EBF3: variants seen among roughly 807,000 people sequenced by gnomAD.
EBF3 encodes transcription factor COE3.
Under a neutral mutation model 77.1 loss-of-function variants are expected in EBF3, and 18 were observed. The observed-to-expected ratio is 0.23, with a 90% CI of 0.16 to 0.35. EBF3 has a LOEUF of 0.35. EBF3 is among the 10% of genes least tolerant of loss of function. The pLI is 1.00. For synonymous variants in EBF3, 350 were observed against 343.5 expected (o/e 1.02, Z -0.21); for missense variants, 558 against 860.0 (o/e 0.65, Z 4.39).
Position 129,897,578 on chromosome 10 carries a change from C to T in EBF3, c.555-19729G>A, listed in dbSNP as rs1854483540. ...GAAACCCAGCACACGACCCTTTTAT[C>T]CGAGAGGCGAAGCCCGGGAAGGTTC... On this transcript the variant is annotated intron_variant, in intron 6 of 16. Transcript: ENST00000440978. This position sits in a 1 kb window ranked among gnomAD's most constrained non-coding sequence, Gnocchi z 4.6. 6.6e-6 allele frequency among the ~76,000 whole-genome samples: 1 copy of T among 152,066 alleles called. No homozygotes were observed. The highest frequency in any genetic ancestry group is 1.5e-5 in the Non-Finnish European group (1 of 68,010).
intron 6 of EBF3, among the ~76,000 whole-genome samples, chr10:129,948,790 G>A (rs1858439501): frequency 6.6e-6 from 1 of 152,208 alleles, no homozygotes. Context: ...GGTTAGGGGT[G>A]CCTGTTGCTG....
rs551384187 is a variant in EBF3, at chr10:129,842,353, C to A, written c.1195-60G>T. Reference sequence around the variant, plus strand: ...CCCAGGCCCGGCCCAGCTGGCCGCACTCTCGGGGGCCCACCATGGTGGCAT... The same window carrying A: ...CCCAGGCCCGGCCCAGCTGGCCGCAATCTCGGGGGCCCACCATGGTGGCAT... On this transcript the variant is annotated intron_variant, in intron 12 of 16. Coordinates refer to ENST00000440978, the MANE Select transcript of EBF3 (RefSeq NM_001375380.1). The surrounding 1 kb of genome is among the most constrained non-coding windows in gnomAD (Gnocchi z 4.4). 2.0e-5 allele frequency: 31 copies of A among 1,514,720 alleles called. No individual in the cohort carries two copies. The South Asian group carries it at 4.0e-4, about 20-fold the overall frequency. The allele number at this position is 1,514,720 out of a possible 1,614,324, so 93.8% of individuals were successfully genotyped here.
At chr10:129,959,495 G>C (rs1234464986) in intron 4 of EBF3, among the ~76,000 whole-genome samples, 1 of 152,128 alleles carries the variant, frequency 6.6e-6, no homozygotes, top group Non-Finnish European at 1.5e-5. Context: ...AAGCAGGGAA[G>C]GATGGTCGCG....
rs748362152 is a variant in EBF3 at position 129,877,721 on chromosome 10, T to A, written c.636+47A>T. 4.6e-6 allele frequency: 7 copies of A among 1,517,826 alleles called. No homozygotes were observed. The South Asian group carries it at 7.0e-5, about 15-fold the overall frequency. 94.0% of individuals were successfully genotyped at this position (1,517,826 alleles called of 1,614,324 possible). A position where few individuals can be genotyped will look rare whatever the true frequency, so the allele number is the denominator to read the frequency against. On this transcript the variant is annotated intron_variant, in intron 7 of 16. Transcript: ENST00000440978. ...TGCAAATCAGAGAATTCAAATTTGG[T>A]ATGAAAAGTCAGGACCACGGTCCAC...
At chr10:129,919,319 G>A (rs1429732277) in intron 6 of EBF3, among the ~76,000 whole-genome samples, 2 of 152,110 alleles carry the variant, frequency 1.3e-5, no homozygotes, top group African/African-American at 4.8e-5. Context: ...CAGGTGGAGG[G>A]AACAGTGGAG....
chr10:129,963,988 G>A lies in EBF3; in HGVS notation c.-220C>T. ...GGGCGCGGAGGCGGCTCCACCGGCG[G>A]CGGCGGCGCTTCGAAGGAGCAGGAC... On this transcript the variant is annotated 5_prime_UTR_variant, in exon 1 of 17. Transcript: ENST00000440978. The surrounding 1 kb of genome is among the most constrained non-coding windows in gnomAD (Gnocchi z 7.1). The A allele has an allele frequency of 9.8e-7, 1 of 1,017,998 alleles. No homozygotes were observed. The highest frequency in any genetic ancestry group is 1.2e-6 in the Non-Finnish European group (1 of 852,898). 63.1% of individuals were successfully genotyped at this position (1,017,998 alleles called of 1,614,324 possible). A position where few individuals can be genotyped will look rare whatever the true frequency, so the allele number is the denominator to read the frequency against.
Position 129,938,510 on chromosome 10 carries a change from G to A in EBF3, c.554+18748C>T, listed in dbSNP as rs1003540994. Among the ~76,000 whole-genome samples, 4 of 152,130 alleles carry A rather than the reference G, an allele frequency of 2.6e-5. No individual in the cohort carries two copies. The highest frequency in any genetic ancestry group is 2.0e-4 in the Admixed American group (3 of 15,268). On this transcript the variant is annotated intron_variant, in intron 6 of 16. Coordinates refer to ENST00000440978, the MANE Select transcript of EBF3 (RefSeq NM_001375380.1). The surrounding 1 kb of genome is among the most constrained non-coding windows in gnomAD (Gnocchi z 5.1). ...CCAGGCTGCAGGGAGCTGTGATTGT[G>A]CCACTGTACCCAGCCTGGGTGGCAG...
chr10:129,958,792 G>T, intron 5 of EBF3, 142 bp downstream of exon 5: 1 of 1,143,934 alleles, frequency 8.7e-7, no homozygotes. Flanking sequence ...GCGGCCCGGC[G>T]CGCGGCCTCG....
At chr10:129,924,430 C>CAAAAAAAAAAAAAAAAAA (rs956215243) in intron 6 of EBF3, among the ~76,000 whole-genome samples, 1 of 108,452 alleles carries the variant, frequency 9.2e-6, no homozygotes. Flanking sequence ...ACAACAACAA[C>CAAAAAAAAAAAAAAAAAA]AAAAAAAAAA....
intron 6 of EBF3, among the ~76,000 whole-genome samples, chr10:129,924,721 C>T (rs1856548486): frequency 1.3e-5 from 2 of 152,144 alleles, no homozygotes; most frequent in Non-Finnish European, 1.5e-5. Flanking sequence ...AGCTAGAGTG[C>T]CGTAGCATGA....
chr10:129,867,190 G>A lies in EBF3; in HGVS notation c.990C>T (p.Tyr330=). 3.1e-6 allele frequency: 5 copies of A among 1,614,140 alleles called. No homozygotes were observed. Among genetic ancestry groups the A allele is most frequent in the Non-Finnish European group, 4.2e-6 (5 of 1,180,026 alleles). ...CACCTTTGCAGAACTGCTTGGATTT[G>A]TAGGAGAGGGTCACTTCGACGACGC... ...IPGVVEVTLS[Y]KSKQFCKGAP... is the part of the protein sequence containing the mutation. Residue 330 remains tyrosine, a synonymous_variant, in exon 10 of 17, where the codon TAC becomes TAT. Transcript: ENST00000440978.
At chr10:129,930,770 C>T (rs559927103) in intron 6 of EBF3, among the ~76,000 whole-genome samples, 1 of 136,124 alleles carries the variant, frequency 7.3e-6, no homozygotes, top group Admixed American at 7.4e-5. Flanking sequence ...CTCTCATATA[C>T]CTATATCTAT....
At chr10:129,907,097 T>C (rs970081715) in intron 6 of EBF3, among the ~76,000 whole-genome samples, 1 of 152,248 alleles carries the variant, frequency 6.6e-6, no homozygotes, top group South Asian at 2.1e-4. Flanking sequence ...AAACAGCTAA[T>C]GTATACAGCC....
At chr10:129,843,098 G>T (rs1850203819) in intron 12 of EBF3, 39 bp downstream of exon 12, 3 of 1,477,580 alleles carry the variant, frequency 2.0e-6, no homozygotes, top group African/African-American at 2.1e-5. Flanking sequence ...GTTCTGGCAT[G>T]GGGGGGAGGA....
At chr10:129,906,688 AC>A (rs1188228419) in intron 6 of EBF3, among the ~76,000 whole-genome samples, 3 of 152,192 alleles carry the variant, frequency 2.0e-5, no homozygotes, top group Non-Finnish European at 2.9e-5. Context: ...CTTGAAAAAA[AC>A]GTCAGGCTAA....
At chr10:129,881,496 C>T (rs1262071992) in intron 6 of EBF3, among the ~76,000 whole-genome samples, 1 of 152,178 alleles carries the variant, frequency 6.6e-6, no homozygotes, top group Non-Finnish European at 1.5e-5. Flanking sequence ...CGCGGCTTTC[C>T]CAGCCCCATT....
intron 6 of EBF3, among the ~76,000 whole-genome samples, chr10:129,917,423 C>A (rs1163013833): frequency 2.6e-5 from 4 of 152,098 alleles, no homozygotes; most frequent in African/African-American, 9.6e-5. Flanking sequence ...TCCACCTCGG[C>A]ATTTAATTAT....
chr10:129,897,796 C>T lies in EBF3; in HGVS notation c.555-19947G>A, dbSNP rs976388723. Among the ~76,000 whole-genome samples the T allele has an allele frequency of 2.0e-5, 3 of 152,194 alleles. No individual in the cohort carries two copies. The highest frequency in any genetic ancestry group is 6.5e-5 in the Admixed American group (1 of 15,284). On this transcript the variant is annotated intron_variant, in intron 6 of 16. Transcript: ENST00000440978. The surrounding 1 kb of genome is among the most constrained non-coding windows in gnomAD (Gnocchi z 4.6). The stretch of plus-strand genomic sequence containing the variant: ...TGACATCTTACTTTCCTACATTTAT[C>T]GTGACGGGGCCACTTGTGGGTATGC...
chr10:129,945,296 A>G (rs773744540), intron 6 of EBF3, among the ~76,000 whole-genome samples: 16 of 152,160 alleles, frequency 1.1e-4, no homozygotes, highest in Non-Finnish European at 2.1e-4. Flanking sequence ...ATCAGTCTGT[A>G]TAGGATTTCC....
Sources: allele counts gnomAD v4.1 joint callset (sites outside exome capture counted in the v4.1 genomes callset), GRCh38; gene constraint gnomAD v4.1.1; non-coding constraint Gnocchi (gnomAD v3.1); transcripts MANE v1.5; gene names NCBI Gene and HGNC (gene_info 2026-07-23, HGNC 2026-07-21).